The following CNTNAP2 variants were observed in gnomAD, a reference collection of about 807,000 sequenced individuals.
CNTNAP2 encodes the protein contactin-associated protein-like 2.
In CNTNAP2, 98 loss-of-function variants were observed where a neutral mutation model predicts 155.2. That is an observed-to-expected ratio of 0.63 (90% CI 0.54 to 0.75). The LOEUF is 0.75. Ranked by LOEUF, CNTNAP2 falls within the 30% of genes least tolerant of loss-of-function variation. CNTNAP2 has a pLI of 0.00. For synonymous variants in CNTNAP2, 651 were observed against 631.2 expected (o/e 1.03, Z -0.47); for missense variants, 1,727 against 1,688.1 (o/e 1.02, Z -0.40).
chr7:148,118,025 T>C, intron 15 of CNTNAP2, 93 bp from the exon 16 acceptor site: 1 of 1,268,590 alleles, frequency 7.9e-7, no homozygotes, highest in Admixed American at 1.7e-5. Flanking sequence ...CTATTGCTAA[T>C]GGTACTTATT....
chr7:147,649,869 A>AT (rs908874282), intron 13 of CNTNAP2, among the ~76,000 whole-genome samples: 3 of 149,362 alleles, frequency 2.0e-5, no homozygotes, highest in African/African-American at 7.2e-5. Flanking sequence ...GATTGGATAG[A>AT]TAAAAAAAAA....
intron 1 of CNTNAP2, among the ~76,000 whole-genome samples, chr7:146,629,170 T>C (rs969558051): frequency 1.3e-5 from 2 of 152,160 alleles, no homozygotes; most frequent in Non-Finnish European, 2.9e-5. Context: ...AAATTGTGTG[T>C]AACTTTAAAC....
At chr7:146,720,912 ACT>A (rs1491465937) in intron 1 of CNTNAP2, among the ~76,000 whole-genome samples, 6 of 141,796 alleles carry the variant, frequency 4.2e-5, no homozygotes, top group African/African-American at 1.0e-4. Flanking sequence ...CTATATATAT[ACT>A]CTCTATATAT....
intron 13 of CNTNAP2, among the ~76,000 whole-genome samples, chr7:147,706,757 C>A (rs543697296): frequency 7.2e-5 from 11 of 152,236 alleles, no homozygotes; most frequent in African/African-American, 2.6e-4. Context: ...TTCTACAGCA[C>A]CCAGAATTCA....
At chr7:147,783,078 T>C (rs1454720328) in intron 13 of CNTNAP2, among the ~76,000 whole-genome samples, 2 of 152,162 alleles carry the variant, frequency 1.3e-5, no homozygotes, top group Non-Finnish European at 2.9e-5. Flanking sequence ...AAGCAAGCCT[T>C]TTTCAAATGA....
At chr7:146,345,771 C>T (rs530793506) in intron 1 of CNTNAP2, among the ~76,000 whole-genome samples, 1 of 152,212 alleles carries the variant, frequency 6.6e-6, no homozygotes, top group East Asian at 1.9e-4. Flanking sequence ...TGGTATTTTG[C>T]TTTAGACACT....
chr7:148,317,532 C>CA (rs111713249), intron 21 of CNTNAP2, among the ~76,000 whole-genome samples: 33,841 of 151,652 alleles, frequency 0.22, 4,121 homozygotes, highest in Middle Eastern at 0.3. Flanking sequence ...CTCCAGTCTC[C>CA]AAAAAAATAT....
chr7:148,153,219 A>G (rs1805337176), intron 17 of CNTNAP2, among the ~76,000 whole-genome samples: 2 of 144,986 alleles, frequency 1.4e-5, no homozygotes, highest in African/African-American at 5.3e-5. Flanking sequence ...CCAGGCTCAC[A>G]TGTCCTTTTG....
chr7:146,277,088 G>A (rs1800176733), intron 1 of CNTNAP2, among the ~76,000 whole-genome samples: 1 of 152,152 alleles, frequency 6.6e-6, no homozygotes, highest in African/African-American at 2.4e-5. Context: ...ACACACAGGA[G>A]AGGTTCATGT....
At chr7:146,888,412 T>C (rs1329813358) in intron 3 of CNTNAP2, among the ~76,000 whole-genome samples, 2 of 152,168 alleles carry the variant, frequency 1.3e-5, no homozygotes, top group African/African-American at 2.4e-5. Flanking sequence ...TATTGATATA[T>C]TGGTAACAAT....
intron 15 of CNTNAP2, among the ~76,000 whole-genome samples, chr7:148,062,008 T>TAGAGA (rs201856851): frequency 0.011 from 830 of 78,496 alleles, 21 homozygotes; most frequent in Non-Finnish European, 0.011. Context: ...GATAGATAGA[T>TAGAGA]GATAGAGAGA....
chr7:146,313,378 A>T (rs1563033815), intron 1 of CNTNAP2, among the ~76,000 whole-genome samples: 1 of 152,090 alleles, frequency 6.6e-6, no homozygotes, highest in Non-Finnish European at 1.5e-5. Context: ...GTCTGTTCAG[A>T]TTCTTTGCAC....
At chr7:148,289,464 G>A (rs954791198) in intron 21 of CNTNAP2, among the ~76,000 whole-genome samples, 36 of 152,110 alleles carry the variant, frequency 2.4e-4, no homozygotes, top group Admixed American at 1.4e-3. Context: ...GAGATTTGAG[G>A]CAGCCCTCAA....
At chr7:147,884,745 C>T (rs2538983) in intron 13 of CNTNAP2, among the ~76,000 whole-genome samples, 86,638 of 152,062 alleles carry the variant, frequency 0.57, 25,267 homozygotes, top group African/African-American at 0.69. Flanking sequence ...TTGAATTTTC[C>T]GTCATCTTAC....
chr7:147,588,823 C>T (rs913384745), intron 12 of CNTNAP2, among the ~76,000 whole-genome samples: 7 of 152,174 alleles, frequency 4.6e-5, no homozygotes, highest in African/African-American at 1.7e-4. Context: ...TAGACAGGGG[C>T]CTCATCACTT....
intron 13 of CNTNAP2, among the ~76,000 whole-genome samples, chr7:147,885,478 C>A (rs919933464): frequency 1.3e-5 from 2 of 152,116 alleles, no homozygotes; most frequent in Admixed American, 6.6e-5. Context: ...TTGTCAATTT[C>A]TTTTACTTTT....
At chr7:146,619,395 G>A (rs1288780435) in intron 1 of CNTNAP2, among the ~76,000 whole-genome samples, 1 of 152,096 alleles carries the variant, frequency 6.6e-6, no homozygotes, top group African/African-American at 2.4e-5. Flanking sequence ...AAAGAGAGGT[G>A]GGAGAGGGTT....
At chr7:147,536,731 T>A (rs1439550466) in intron 11 of CNTNAP2, among the ~76,000 whole-genome samples, 1 of 152,110 alleles carries the variant, frequency 6.6e-6, no homozygotes, top group African/African-American at 2.4e-5. Flanking sequence ...CTAATGTACC[T>A]CCCTCTCTGC....
At chr7:146,554,616 AT>A (rs973834694) in intron 1 of CNTNAP2, among the ~76,000 whole-genome samples, 2 of 152,166 alleles carry the variant, frequency 1.3e-5, no homozygotes, top group African/African-American at 4.8e-5. Flanking sequence ...TGTTTAAAAG[AT>A]TTTTGGCTTT....
Sources: allele counts gnomAD v4.1 joint callset (sites outside exome capture counted in the v4.1 genomes callset), GRCh38; gene constraint gnomAD v4.1.1; transcripts MANE v1.5; gene names NCBI Gene and HGNC (gene_info 2026-07-23, HGNC 2026-07-21).